The following LINGO2 variants were observed in gnomAD, a reference collection of about 807,000 sequenced individuals.
LINGO2 encodes the protein leucine-rich repeat and immunoglobulin-like domain-containing nogo receptor-interacting protein 2.
A neutral mutation model predicts 30.6 loss-of-function variants in LINGO2; 14 were observed. That is an observed-to-expected ratio of 0.46 (90% CI 0.30 to 0.72). The LOEUF (loss-of-function observed/expected upper bound fraction) is 0.72. Among genes scored for constraint, LINGO2 ranks in the 30% least tolerant of loss-of-function variants. LINGO2 has a pLI of 0.07. For synonymous variants in LINGO2, 317 were observed against 288.5 expected (o/e 1.10, Z -1.00); for missense variants, 729 against 751.7 (o/e 0.97, Z 0.35).
intron 4 of LINGO2, among the ~76,000 whole-genome samples, chr9:28,087,399 A>G (rs1395771923): frequency 6.6e-6 from 1 of 152,120 alleles, no homozygotes; most frequent in Admixed American, 6.6e-5. Context: ...TTTCATTCTA[A>G]TCATCACTAT....
intron 1 of LINGO2, among the ~76,000 whole-genome samples, chr9:28,544,828 T>C (rs976079068): frequency 6.6e-6 from 1 of 150,470 alleles, no homozygotes; most frequent in Non-Finnish European, 1.5e-5. Flanking sequence ...AAAGAATACC[T>C]AAAATATAAA....
chr9:28,981,828 T>G, the LINGO2 span, among the ~76,000 whole-genome samples: 3 of 152,054 alleles, frequency 2.0e-5, no homozygotes, highest in Non-Finnish European at 4.4e-5. Flanking sequence ...CAGGCTCCAT[T>G]TCTACAAGGA....
intron 1 of LINGO2, among the ~76,000 whole-genome samples, chr9:28,531,825 AG>A (rs1821247509): frequency 6.6e-6 from 1 of 152,134 alleles, no homozygotes; most frequent in African/African-American, 2.4e-5. Context: ...GAAAAAAAAA[AG>A]CTTTTGTGTG....
the LINGO2 span, among the ~76,000 whole-genome samples, chr9:28,744,362 C>T: frequency 6.6e-6 from 1 of 151,844 alleles, no homozygotes; most frequent in African/African-American, 2.4e-5. Context: ...TTTCTACTTC[C>T]TGCTTTTCTT....
the LINGO2 span, among the ~76,000 whole-genome samples, chr9:28,947,571 G>GA: frequency 6.6e-6 from 1 of 151,906 alleles, no homozygotes; most frequent in East Asian, 1.9e-4. Flanking sequence ...TCAGGAGCAA[G>GA]AAAATAATCA....
the LINGO2 span, among the ~76,000 whole-genome samples, chr9:29,169,952 G>A: frequency 5.3e-5 from 8 of 150,800 alleles, no homozygotes; most frequent in Middle Eastern, 3.2e-3. Flanking sequence ...CCAAGCTCGC[G>A]CCATTGCACT....
At chr9:28,774,370 T>A in the LINGO2 span, among the ~76,000 whole-genome samples, 1 of 152,118 alleles carries the variant, frequency 6.6e-6, no homozygotes, top group African/African-American at 2.4e-5. Flanking sequence ...TTAGTTGAAT[T>A]TTTTTTGGCC....
chr9:28,617,350 C>T (rs758549271), intron 1 of LINGO2, among the ~76,000 whole-genome samples: 4 of 150,738 alleles, frequency 2.7e-5, no homozygotes, highest in Non-Finnish European at 5.9e-5. Context: ...GGCTGGAGTG[C>T]AGTGGCGCGA....
Position 28,664,996 on chromosome 9 carries a change from CATATATATATAT to C in LINGO2, c.-365+5192_-365+5203del, listed in dbSNP as rs10527878. The stretch of plus-strand genomic sequence containing the variant: ...TCTGTATTATTTATGTATGTGTTTA[CATATATATATAT>C]ATATATATATATATATATATATATA... On this transcript the variant is annotated intron_variant, in intron 1 of 5. Transcript: ENST00000379992. Among the ~76,000 whole-genome samples the C allele has an allele frequency of 4.7e-3, 457 of 96,250 alleles. 3 individuals are homozygous for C. Among genetic ancestry groups the C allele is most frequent in the African/African-American group, 9.1e-3 (285 of 31,186 alleles). 63.1% of individuals were successfully genotyped at this position (96,250 alleles called of 152,430 possible).
the LINGO2 span, among the ~76,000 whole-genome samples, chr9:29,022,977 C>CA: frequency 0.29 from 38,514 of 133,138 alleles, 5,592 homozygotes; most frequent in East Asian, 0.47. Context: ...CTCTTTGAGC[C>CA]AAAAAAAAAA....
chr9:27,939,522 CTT>C, the LINGO2 span: 1 of 152,190 alleles, frequency 6.6e-6, no homozygotes, highest in East Asian at 1.9e-4. Context: ...TTGGTAATCT[CTT>C]TGCATTACAC....
At chr9:28,845,566 G>C in the LINGO2 span, among the ~76,000 whole-genome samples, 1 of 151,816 alleles carries the variant, frequency 6.6e-6, no homozygotes, top group Non-Finnish European at 1.5e-5. Flanking sequence ...ATTAAAAGCA[G>C]TGTGGGGAAG....
intron 1 of LINGO2, among the ~76,000 whole-genome samples, chr9:28,582,543 G>A (rs1021627094): frequency 6.6e-6 from 1 of 152,006 alleles, no homozygotes; most frequent in African/African-American, 2.4e-5. Flanking sequence ...ATCAGCAAAG[G>A]TCTCACTCCG....
At chr9:29,101,347 T>G in the LINGO2 span, among the ~76,000 whole-genome samples, 1 of 152,152 alleles carries the variant, frequency 6.6e-6, no homozygotes, top group East Asian at 1.9e-4. Flanking sequence ...CAGTGTAGGG[T>G]AAATCTATGG....
At chr9:28,830,959 T>G in the LINGO2 span, among the ~76,000 whole-genome samples, 1 of 152,200 alleles carries the variant, frequency 6.6e-6, no homozygotes, top group Admixed American at 6.5e-5. Context: ...CTAGCAGCCC[T>G]GGGCTAACAT....
intron 4 of LINGO2, among the ~76,000 whole-genome samples, chr9:28,181,210 T>C (rs886186069): frequency 2.6e-5 from 4 of 152,162 alleles, no homozygotes; most frequent in Non-Finnish European, 5.9e-5. Context: ...GCATATCCAC[T>C]GATTTTAGAT....
chr9:28,132,231 C>T (rs778403263), intron 4 of LINGO2, among the ~76,000 whole-genome samples: 14 of 152,062 alleles, frequency 9.2e-5, no homozygotes, highest in Non-Finnish European at 1.3e-4. Flanking sequence ...ACTTTTCTTT[C>T]TAGTTTATTA....
At chr9:29,036,737 A>G in the LINGO2 span, among the ~76,000 whole-genome samples, 1 of 151,982 alleles carries the variant, frequency 6.6e-6, no homozygotes, top group African/African-American at 2.4e-5. Flanking sequence ...AACTTGTTCA[A>G]TGCTACTACA....
intron 1 of LINGO2, among the ~76,000 whole-genome samples, chr9:28,498,512 A>G (rs1819750781): frequency 6.6e-6 from 1 of 152,212 alleles, no homozygotes; most frequent in Non-Finnish European, 1.5e-5. Context: ...TGGAAAGGAC[A>G]GTAGAAGGGT....
Sources: allele counts gnomAD v4.1 joint callset (sites outside exome capture counted in the v4.1 genomes callset), GRCh38; gene constraint gnomAD v4.1.1; transcripts MANE v1.5; gene names NCBI Gene and HGNC (gene_info 2026-07-23, HGNC 2026-07-21).